The following SFI1 variants were observed in gnomAD, a reference collection of about 807,000 sequenced individuals.
SFI1 encodes the protein protein SFI1 homolog.
SFI1 carries 195 observed loss-of-function variants against 207.5 expected under a neutral mutation model. That is an observed-to-expected ratio of 0.94 (90% CI 0.84 to 1.06). The LOEUF is 1.06. Among genes scored for constraint, SFI1 ranks in the 50% least tolerant of loss-of-function variants. The pLI is 0.00. For missense variants in SFI1, 1,634 were observed against 1,588.0 expected, an observed-to-expected ratio of 1.03 and a Z score of -0.49; for synonymous variants, 630 against 598.9, an observed-to-expected ratio of 1.05 and a Z score of -0.76.
intron 22 of SFI1, 54 bp downstream of exon 22, chr22:31,608,087 T>C (rs1489704027): frequency 2.1e-6 from 3 of 1,421,328 alleles, no homozygotes; most frequent in Non-Finnish European, 3.0e-6. Context: ...ACAGCGCTGT[T>C]GTGGAGATCC....
intron 8 of SFI1, among the ~76,000 whole-genome samples, chr22:31,565,594 G>A (rs1298711827): frequency 6.6e-6 from 1 of 152,070 alleles, no homozygotes; most frequent in Non-Finnish European, 1.5e-5. Context: ...AGCTACTTGG[G>A]AGGCTTAGGT....
chr22:31,501,419 C>G (rs2053756221), intron 1 of SFI1, among the ~76,000 whole-genome samples: 1 of 152,122 alleles, frequency 6.6e-6, no homozygotes, highest in Non-Finnish European at 1.5e-5. Flanking sequence ...GACCGCCCAT[C>G]TCGGCCTCCC....
Position 31,611,775 on chromosome 22 carries a change from A to G in SFI1, c.2425A>G (p.Arg809Gly), listed in dbSNP as rs1042612410. ...LQCVRKRLLH[R>G]QSTQLLAQRL... The stretch of plus-strand genomic sequence containing the variant: ...ACTTGCTCTCCCCCAGCTCCTGCAC[A>G]GGCAGAGCACCCAACTGCTGGCACA... Residue 809 changes from arginine to glycine, a missense_variant, in exon 24 of 33, where the codon AGG (arginine) becomes GGG (glycine). Transcript: ENST00000400288. The G allele has an allele frequency of 1.5e-5, 25 of 1,613,416 alleles. No homozygotes were observed. The highest frequency in any genetic ancestry group is 1.2e-4 in the Admixed American group (7 of 60,002).
chr22:31,513,815 G>A (rs1350786949), intron 2 of SFI1, among the ~76,000 whole-genome samples: 3 of 151,214 alleles, frequency 2.0e-5, no homozygotes, highest in Admixed American at 1.3e-4. Context: ...TCCTGACCTC[G>A]TGATCCGCCC....
At position 31,602,604 on chromosome 22, in the gene SFI1, C is replaced by G; in HGVS notation, c.1627-3C>G. ...CTGTTCTCTCCTTCCTGTCCTGCCT[C>G]AGGCCATCCTTCACGCAGAGCGACA... On this transcript the variant is annotated splice_polypyrimidine_tract_variant and splice_region_variant and intron_variant, in intron 16 of 32. Coordinates refer to ENST00000400288, the MANE Select transcript of SFI1 (RefSeq NM_001007467.3). The G allele has an allele frequency of 1.9e-6, 3 of 1,614,084 alleles. No homozygotes were observed. The highest frequency in any genetic ancestry group is 2.5e-6 in the Non-Finnish European group (3 of 1,179,984).
At chr22:31,567,357 T>A (rs2062426392) in intron 8 of SFI1, among the ~76,000 whole-genome samples, 1 of 152,156 alleles carries the variant, frequency 6.6e-6, no homozygotes, top group Non-Finnish European at 1.5e-5. Context: ...GGTTATGAGG[T>A]AACAGGGAGC....
At chr22:31,589,312 G>T (rs1856975232) in intron 14 of SFI1, 135 bp from the exon 15 acceptor site, 2 of 952,284 alleles carry the variant, frequency 2.1e-6, no homozygotes, top group East Asian at 2.9e-5. Flanking sequence ...TATTGGCAAA[G>T]ATAATAAATA....
chr22:31,603,753 C>T lies in SFI1; in HGVS notation c.1815C>T (p.Gly605=), dbSNP rs1360448129. 2 of 1,538,380 alleles carry T rather than the reference C, an allele frequency of 1.3e-6. No homozygotes were observed. ...SAQGLRTERT[G]RVRAAEFHMA... ...TGCCATCTCCCCACAGGAGGACGGGCAGGGTGCGGGCAGCAGAATTCCACA... is the reference window on the plus strand; with the variant it reads ...TGCCATCTCCCCACAGGAGGACGGGTAGGGTGCGGGCAGCAGAATTCCACA... The change falls in exon 18 of 33, where the codon GGC becomes GGT. Residue 605 remains glycine, a synonymous_variant. Transcript: ENST00000400288.
chr22:31,612,834 G>A (rs1357286292), intron 24 of SFI1: 7 of 390,862 alleles, frequency 1.8e-5, no homozygotes, highest in East Asian at 4.1e-5. Context: ...GCATCCACAC[G>A]TCCCCAGCTC....
chr22:31,589,359 G>A, intron 14 of SFI1, 88 bp from the exon 15 acceptor site: 1 of 1,151,690 alleles, frequency 8.7e-7, no homozygotes, highest in Non-Finnish European at 1.2e-6. Context: ...TATATAGGAA[G>A]CAATCCTCCC....
chr22:31,578,287 C>A (rs1399592325), intron 10 of SFI1, 95 bp from the exon 11 acceptor site: 23 of 1,234,396 alleles, frequency 1.9e-5, no homozygotes, highest in Non-Finnish European at 2.3e-5. Context: ...CGTGTGTTAT[C>A]CCCGATAGCC....
intron 8 of SFI1, among the ~76,000 whole-genome samples, chr22:31,561,593 A>C (rs1326296798): frequency 6.6e-6 from 1 of 152,230 alleles, no homozygotes; most frequent in Non-Finnish European, 1.5e-5. Context: ...AGCCTAGATC[A>C]GTGGCTTCCA....
In SFI1 at chr22:31,616,779, C is replaced by A; in HGVS notation, c.3335C>A (p.Pro1112His). The change falls in exon 30 of 33, where the codon CCC becomes CAC. Residue 1112 changes from proline to histidine, a missense_variant. By Grantham distance (77) the Pro-to-His change is moderately conservative. Transcript: ENST00000400288. Reference protein sequence around the residue: ...SAQRATPRDKPPVPSSLASVP... With the variant: ...SAQRATPRDKHPVPSSLASVP... The stretch of plus-strand genomic sequence containing the variant: ...CAGCGGGCTACTCCTAGGGATAAGC[C>A]CCCGGTCCCCTCATCCCTGGCCAGT... The A allele has an allele frequency of 6.3e-7, 1 of 1,591,600 alleles. No homozygotes were observed. The highest frequency in any genetic ancestry group is 8.5e-7 in the Non-Finnish European group (1 of 1,170,148).
At chr22:31,609,067 G>A (rs956243169) in intron 22 of SFI1, among the ~76,000 whole-genome samples, 1 of 151,820 alleles carries the variant, frequency 6.6e-6, no homozygotes, top group African/African-American at 2.4e-5. Flanking sequence ...GTGCGATCTC[G>A]GCTCACTGCA....
chr22:31,526,938 G>A (rs182620717), intron 2 of SFI1, among the ~76,000 whole-genome samples: 16 of 151,810 alleles, frequency 1.1e-4, no homozygotes, highest in African/African-American at 3.4e-4. Flanking sequence ...CTGTCCTGTC[G>A]CCCAGGCTGG....
At chr22:31,520,150 A>T (rs2057043742) in intron 2 of SFI1, among the ~76,000 whole-genome samples, 1 of 151,580 alleles carries the variant, frequency 6.6e-6, no homozygotes, top group Non-Finnish European at 1.5e-5. Context: ...TATATGGCAG[A>T]CACCTTTGTA....
chr22:31,591,174 T>C (rs373203213), intron 15 of SFI1, among the ~76,000 whole-genome samples: 1,604 of 152,208 alleles, frequency 0.011, 8 homozygotes, highest in Middle Eastern at 0.027. Context: ...TGACTCTTAA[T>C]GAGCATGCTG....
rs1161492562 is a variant in SFI1, at chr22:31,618,445, TG to T, written c.*30del. 2.6e-6 allele frequency: 4 copies of T among 1,517,450 alleles called. No homozygotes were observed. The African/African-American group carries it at 5.5e-5, about 21-fold the overall frequency. The allele number at this position is 1,517,450 out of a possible 1,614,324, so 94.0% of individuals were successfully genotyped here. A position where few individuals can be genotyped will look rare whatever the true frequency, so the allele number is the denominator to read the frequency against. On this transcript the variant is annotated 3_prime_UTR_variant, in exon 33 of 33. Transcript: ENST00000400288. ...GTGTTCGCACCAGGAACGCAGGTGC[TG>T]GGCTGTCGGGGAGGCCTCAGGCCAC...
At chr22:31,506,540 C>T (rs200858950) in intron 1 of SFI1, among the ~76,000 whole-genome samples, 4 of 152,110 alleles carry the variant, frequency 2.6e-5, no homozygotes, top group East Asian at 3.8e-4. Flanking sequence ...GAGTGTGGCT[C>T]GCTCTCCTCT....
Sources: allele counts gnomAD v4.1 joint callset (sites outside exome capture counted in the v4.1 genomes callset), GRCh38; gene constraint gnomAD v4.1.1; transcripts MANE v1.5; gene names NCBI Gene and HGNC (gene_info 2026-07-23, HGNC 2026-07-21).